The following SHROOM3 variants were observed in gnomAD, a reference collection of about 807,000 sequenced individuals.
SHROOM3 encodes the protein protein Shroom3.
SHROOM3 carries 47 observed loss-of-function variants against 138.6 expected under a neutral mutation model. The ratio of observed to expected loss-of-function variants is 0.34; its 90% CI spans 0.27 to 0.43. SHROOM3 has a LOEUF of 0.43. SHROOM3 is among the 20% of genes least tolerant of loss of function. The probability of loss-of-function intolerance (pLI) is 1.00; values close to 1 mark genes in which losing one functional copy is unlikely to be tolerated. For synonymous variants in SHROOM3, 1,062 were observed against 1,063.3 expected (o/e 1.00, Z 0.02); for missense variants, 2,491 against 2,596.5 (o/e 0.96, Z 0.88).
intron 1 of SHROOM3, among the ~76,000 whole-genome samples, chr4:76,497,330 T>A (rs1477967726): frequency 6.6e-6 from 1 of 152,228 alleles, no homozygotes; most frequent in Non-Finnish European, 1.5e-5. Context: ...CAGTAATCTC[T>A]TTCTAAGTAA....
rs993425874 is a variant in SHROOM3 at position 76,741,612 on chromosome 4, C to T, written c.3439C>T (p.Leu1147=). 2.6e-5 allele frequency: 40 copies of T among 1,539,980 alleles called. No individual in the cohort carries two copies. The highest frequency in any genetic ancestry group is 3.9e-5 in the Admixed American group (2 of 51,650). The part of the protein sequence containing the change: ...SSLSSLREPS[L]QPRREATLLP... The stretch of plus-strand genomic sequence containing the variant: ...CTTGAGCTCACTGCGGGAGCCCAGC[C>T]TGCAGCCCCGCAGGGAGGCCACGCT... Residue 1147 remains leucine (L), a synonymous_variant, in exon 5 of 11, where the codon CTG becomes TTG. Coordinates refer to ENST00000296043, the MANE Select transcript of SHROOM3 (RefSeq NM_020859.4). The surrounding 1 kb of genome is among the most constrained non-coding windows in gnomAD (Gnocchi z 6.2).
intron 2 of SHROOM3, among the ~76,000 whole-genome samples, chr4:76,578,990 C>A (rs1010396543): frequency 6.6e-6 from 1 of 151,846 alleles, no homozygotes; most frequent in Non-Finnish European, 1.5e-5. Context: ...CATAATGAGA[C>A]CCTGACTTTA....
At chr4:76,669,272 C>T (rs897480804) in intron 2 of SHROOM3, among the ~76,000 whole-genome samples, 1 of 152,052 alleles carries the variant, frequency 6.6e-6, no homozygotes, top group Non-Finnish European at 1.5e-5. Flanking sequence ...GTAGCTGTTA[C>T]GTGTAGGGGA....
rs1721232027 is a variant in SHROOM3 at position 76,741,003 on chromosome 4, C to G, written c.2830C>G (p.Arg944Gly). ...RVLGATSFRR[R>G]DLELGAPVAS... ...CTTGGGGGCCACCTCCTTTCGACGTCGAGACCTGGAGCTGGGGGCGCCCGT... is the reference window on the plus strand; with the variant it reads ...CTTGGGGGCCACCTCCTTTCGACGTGGAGACCTGGAGCTGGGGGCGCCCGT... The change falls in exon 5 of 11, where the codon CGA (arginine) becomes GGA (glycine). Residue 944 changes from arginine (R) to glycine (G), a missense_variant. Arg to Gly is a moderately radical substitution (Grantham distance 125). Around this residue, in one of 4 missense-constraint regions of SHROOM3, gnomAD observed 1,733 missense variants for 1,661.6 expected, o/e 1.04. Coordinates refer to ENST00000296043, the MANE Select transcript of SHROOM3 (RefSeq NM_020859.4). The surrounding 1 kb of genome is among the most constrained non-coding windows in gnomAD (Gnocchi z 6.2). 2 of 1,488,396 alleles carry G rather than the reference C, an allele frequency of 1.3e-6. No individual in the cohort carries two copies. The highest frequency in any genetic ancestry group is 1.8e-6 in the Non-Finnish European group (2 of 1,123,150). 92.2% of individuals were successfully genotyped at this position (1,488,396 alleles called of 1,614,324 possible).
intron 5 of SHROOM3, chr4:76,742,265 T>C (rs539304656): frequency 1.4e-5 from 5 of 358,538 alleles, no homozygotes; most frequent in South Asian, 1.3e-4. Flanking sequence ...TTTTTTTTAA[T>C]GGATTAGAGT....
intron 2 of SHROOM3, chr4:76,709,709 T>G (rs537969745): frequency 2.3e-5 from 6 of 256,430 alleles, no homozygotes; most frequent in African/African-American, 1.4e-4. Context: ...CCTGTTACAC[T>G]TGGAGATCCC....
chr4:76,471,553 T>A (rs1319735171), intron 1 of SHROOM3, among the ~76,000 whole-genome samples: 2 of 152,198 alleles, frequency 1.3e-5, no homozygotes, highest in Non-Finnish European at 2.9e-5. Context: ...GTTTGTTCTT[T>A]CTTTAAGACC....
chr4:76,743,920 A>G (rs1721346550), intron 5 of SHROOM3, among the ~76,000 whole-genome samples: 1 of 152,244 alleles, frequency 6.6e-6, no homozygotes, highest in African/African-American at 2.4e-5. Flanking sequence ...TTAACTGCAT[A>G]GCAGTCTAGA....
chr4:76,674,506 T>G (rs1049285895), intron 2 of SHROOM3, among the ~76,000 whole-genome samples: 1 of 151,692 alleles, frequency 6.6e-6, no homozygotes, highest in African/African-American at 2.4e-5. Context: ...GTCAAATTTA[T>G]TTTCTTCTCT....
At chr4:76,660,063 C>T (rs1577957776) in intron 2 of SHROOM3, among the ~76,000 whole-genome samples, 3 of 152,002 alleles carry the variant, frequency 2.0e-5, no homozygotes, top group African/African-American at 7.2e-5. Context: ...AGCTCACTGC[C>T]CCTCCCCACC....
intron 9 of SHROOM3, 93 bp downstream of exon 9, chr4:76,759,788 G>A (rs1721936536): frequency 6.9e-7 from 1 of 1,443,888 alleles, no homozygotes; most frequent in Non-Finnish European, 9.5e-7. Context: ...TCTTGAGGCA[G>A]GTGGGGAAAG....
intron 2 of SHROOM3, among the ~76,000 whole-genome samples, chr4:76,696,211 T>C (rs1435286648): frequency 6.6e-6 from 1 of 152,214 alleles, no homozygotes. Flanking sequence ...AGTCTTTTAG[T>C]CTGACTCACA....
At chr4:76,577,105 G>A (rs1040748371) in intron 2 of SHROOM3, among the ~76,000 whole-genome samples, 4 of 152,168 alleles carry the variant, frequency 2.6e-5, no homozygotes, top group Non-Finnish European at 4.4e-5. Flanking sequence ...TCTACCTAAA[G>A]TATAAGAAGG....
At chr4:76,552,957 C>T (rs951717844) in intron 1 of SHROOM3, among the ~76,000 whole-genome samples, 7 of 152,126 alleles carry the variant, frequency 4.6e-5, no homozygotes, top group African/African-American at 1.4e-4. Flanking sequence ...TAATTTCTAA[C>T]GTACTACATT....
chr4:76,567,125 G>T (rs78588452), intron 2 of SHROOM3, among the ~76,000 whole-genome samples: 3,336 of 152,254 alleles, frequency 0.022, 48 homozygotes, highest in Non-Finnish European at 0.032. Context: ...TTAGTGGGTG[G>T]GATGTGTAAA....
chr4:76,620,160 C>T (rs1030418236), intron 2 of SHROOM3, among the ~76,000 whole-genome samples: 3 of 150,742 alleles, frequency 2.0e-5, no homozygotes, highest in Non-Finnish European at 4.4e-5. Context: ...TGAAGCTCAT[C>T]GACTTGTGGA....
At chr4:76,443,205 C>T (rs1730733460) in intron 1 of SHROOM3, among the ~76,000 whole-genome samples, 1 of 152,120 alleles carries the variant, frequency 6.6e-6, no homozygotes. Context: ...TTTGATATTT[C>T]CTATCAATGT....
intron 1 of SHROOM3, among the ~76,000 whole-genome samples, chr4:76,544,229 G>C (rs941573386): frequency 2.0e-5 from 3 of 152,066 alleles, no homozygotes; most frequent in African/African-American, 7.2e-5. Flanking sequence ...AAAATATGAT[G>C]TTAGATTATG....
intron 2 of SHROOM3, among the ~76,000 whole-genome samples, chr4:76,626,494 A>G (rs1012594674): frequency 6.6e-6 from 1 of 152,212 alleles, no homozygotes; most frequent in Non-Finnish European, 1.5e-5. Flanking sequence ...CCCAAGTTGT[A>G]CAAATAAGAA....
Sources: gnomAD v4.1 joint callset for allele counts (sites outside exome capture counted in the v4.1 genomes callset) on GRCh38, gnomAD v4.1.1 for gene constraint, gnomAD v4.1.1 regional missense constraint, Gnocchi (gnomAD v3.1) non-coding constraint, MANE v1.5 for transcripts, NCBI Gene and HGNC (gene_info 2026-07-23, HGNC 2026-07-21) for gene names.